DNAH11: variants seen among roughly 807,000 people sequenced by gnomAD.
The protein encoded by DNAH11 is axonemal beta dynein heavy chain 11.
DNAH11 carries 442 observed loss-of-function variants against 526.0 expected under a neutral mutation model. The observed-to-expected ratio is 0.84, with a 90% CI of 0.78 to 0.91. The LOEUF is 0.91. DNAH11 is among the 40% of genes least tolerant of loss of function. DNAH11 has a pLI of 0.00. For synonymous variants in DNAH11, 2,461 were observed against 1,935.9 expected, an observed-to-expected ratio of 1.27 and a Z score of -7.12; for missense variants, 6,989 against 5,448.7, an observed-to-expected ratio of 1.28 and a Z score of -8.90.
intron 8 of DNAH11, among the ~76,000 whole-genome samples, chr7:21,578,302 C>T (rs1207896773): frequency 1.3e-5 from 2 of 152,220 alleles, no homozygotes; most frequent in African/African-American, 4.8e-5. Context: ...AACAAAGGGG[C>T]TACAGGCCCT....
rs56227440 is a variant in DNAH11 at position 21,797,324 on chromosome 7, G to T, written c.10027-3813G>T. 3.8e-3 allele frequency among the ~76,000 whole-genome samples: 569 copies of T among 148,520 alleles called. 17 individuals carry two copies. Among genetic ancestry groups the T allele is most frequent in the African/African-American group, 0.014 (534 of 38,178 alleles). On this transcript the variant is annotated intron_variant, in intron 61 of 81. Coordinates refer to ENST00000409508, the MANE Select transcript of DNAH11 (RefSeq NM_001277115.2). The stretch of plus-strand genomic sequence containing the variant: ...AACCTCCACCTCCGAGGTTCAAGCA[G>T]TTCTCCTGCCTCAGCCTCCCGAGTA...
intron 73 of DNAH11, among the ~76,000 whole-genome samples, chr7:21,870,597 C>T (rs1783460202): frequency 6.6e-6 from 1 of 152,166 alleles, no homozygotes; most frequent in Non-Finnish European, 1.5e-5. Context: ...GTGGCTCAGA[C>T]TGGAGAGAAC....
At chr7:21,649,318 AC>A (rs1038706187) in intron 28 of DNAH11, among the ~76,000 whole-genome samples, 1 of 152,214 alleles carries the variant, frequency 6.6e-6, no homozygotes, top group Non-Finnish European at 1.5e-5. Context: ...ACATAGATGG[AC>A]CAAAAGAAGT....
rs928012165 is a variant in DNAH11, at chr7:21,564,197, G to T, written c.994G>T (p.Ala332Ser). The change falls in exon 6 of 82, where the codon GCC becomes TCC. Residue 332 changes from alanine to serine, a missense_variant. Ala to Ser is a moderately conservative substitution (Grantham distance 99, BLOSUM62 1). Transcript: ENST00000409508. ...FLAVENALLE[A>S]QDVELYLRPL... ...TTCTTTGCTTTCAGCTCTTCTCGAA[G>T]CCCAAGATGTGGAACTTTACCTGAG... 6.3e-7 allele frequency: 1 copy of T among 1,576,212 alleles called. No homozygotes were observed. Among genetic ancestry groups the T allele is most frequent in the Non-Finnish European group, 8.6e-7 (1 of 1,162,684 alleles).
chr7:21,587,596 T>C (rs1435894249), intron 9 of DNAH11, among the ~76,000 whole-genome samples: 2 of 152,092 alleles, frequency 1.3e-5, no homozygotes, highest in African/African-American at 2.4e-5. Flanking sequence ...CCAGCGGCCA[T>C]AGGCATGCAG....
intron 63 of DNAH11, among the ~76,000 whole-genome samples, chr7:21,810,319 T>C (rs1470569322): frequency 2.6e-5 from 4 of 152,238 alleles, no homozygotes; most frequent in Non-Finnish European, 5.9e-5. Context: ...TCCAGGACTC[T>C]ATTTTCTATA....
chr7:21,743,815 A>G (rs1786026896), intron 49 of DNAH11, among the ~76,000 whole-genome samples: 1 of 152,148 alleles, frequency 6.6e-6, no homozygotes, highest in South Asian at 2.1e-4. Context: ...ACCTGACACT[A>G]CCAAATAATT....
intron 30 of DNAH11, among the ~76,000 whole-genome samples, chr7:21,676,064 G>T (rs886983032): frequency 6.6e-6 from 1 of 152,164 alleles, no homozygotes; most frequent in African/African-American, 2.4e-5. Flanking sequence ...GAGAAGGCCA[G>T]CATGGTTAGT....
At chr7:21,852,879 G>T (rs1782696046) in intron 67 of DNAH11, among the ~76,000 whole-genome samples, 1 of 152,144 alleles carries the variant, frequency 6.6e-6, no homozygotes, top group African/African-American at 2.4e-5. Flanking sequence ...ATTTTTCCTG[G>T]GTGACCAAAT....
intron 42 of DNAH11, among the ~76,000 whole-genome samples, chr7:21,716,845 A>T (rs1784684412): frequency 6.6e-6 from 1 of 152,212 alleles, no homozygotes; most frequent in Non-Finnish European, 1.5e-5. Context: ...ATCAGAGTGT[A>T]ACATAACCGG....
chr7:21,766,212 G>T (rs534232940), intron 55 of DNAH11, among the ~76,000 whole-genome samples: 1 of 152,098 alleles, frequency 6.6e-6, no homozygotes, highest in Non-Finnish European at 1.5e-5. Flanking sequence ...TAAAATGGTT[G>T]TACAAAACAA....
At chr7:21,741,863 A>T in intron 48 of DNAH11, 64 bp from the exon 49 acceptor site, 1 of 1,563,630 alleles carries the variant, frequency 6.4e-7, no homozygotes, top group African/African-American at 1.4e-5. Flanking sequence ...AAAAAAAATC[A>T]GGTCTTTGCA....
chr7:21,705,261 C>G (rs992228114), intron 38 of DNAH11, among the ~76,000 whole-genome samples, 199 bp from the exon 39 acceptor site: 2 of 152,190 alleles, frequency 1.3e-5, no homozygotes, highest in African/African-American at 4.8e-5. Flanking sequence ...TGGCTTTAGT[C>G]TCAGCCCTGT....
At chr7:21,544,928 C>G (rs1782749197) in intron 1 of DNAH11, 78 bp from the exon 2 acceptor site, 1 of 1,256,880 alleles carries the variant, frequency 8.0e-7, no homozygotes, top group Admixed American at 2.8e-5. Flanking sequence ...GCTAGCAATA[C>G]AGCTACAAGT....
At chr7:21,547,451 C>A (rs934167651) in intron 2 of DNAH11, among the ~76,000 whole-genome samples, 2 of 152,218 alleles carry the variant, frequency 1.3e-5, no homozygotes, top group Non-Finnish European at 2.9e-5. Context: ...GCAGTTACAG[C>A]AGGTAATTTA....
chr7:21,568,747 G>A (rs1028240840), intron 6 of DNAH11, among the ~76,000 whole-genome samples: 1 of 152,162 alleles, frequency 6.6e-6, no homozygotes, highest in African/African-American at 2.4e-5. Context: ...TAGGTAACAG[G>A]GGGCTGCTGA....
At chr7:21,630,652 C>G (rs559921053) in intron 25 of DNAH11, among the ~76,000 whole-genome samples, 5 of 152,262 alleles carry the variant, frequency 3.3e-5, no homozygotes, top group Admixed American at 2.6e-4. Flanking sequence ...TGTCATTCCA[C>G]TTTCTACTGG....
At chr7:21,735,978 TATC>T in intron 46 of DNAH11, 134 bp downstream of exon 46, 1 of 847,506 alleles carries the variant, frequency 1.2e-6, no homozygotes, top group Admixed American at 3.1e-5. Context: ...AATTTGTACT[TATC>T]ATCCTTGTTA....
chr7:21,712,941 G>A (rs1031122711), intron 42 of DNAH11, among the ~76,000 whole-genome samples: 1 of 152,108 alleles, frequency 6.6e-6, no homozygotes, highest in Admixed American at 6.5e-5. Context: ...AATATTTGTT[G>A]AGTAAGTGAA....
Sources: gnomAD v4.1 joint callset for allele counts (sites outside exome capture counted in the v4.1 genomes callset) on GRCh38, gnomAD v4.1.1 for gene constraint, MANE v1.5 for transcripts, NCBI Gene and HGNC (gene_info 2026-07-23, HGNC 2026-07-21) for gene names.